The following KDM4C variants were observed in gnomAD, a reference collection of about 807,000 sequenced individuals.
KDM4C encodes the protein lysine demethylase 4C.
Under a neutral mutation model 129.3 loss-of-function variants are expected in KDM4C, and 81 were observed. The ratio of observed to expected loss-of-function variants is 0.63; its 90% CI spans 0.52 to 0.75. The LOEUF (loss-of-function observed/expected upper bound fraction) is 0.75. Ranked by LOEUF, KDM4C falls within the 30% of genes least tolerant of loss-of-function variation. The pLI is 0.00. For synonymous variants in KDM4C, 573 were observed against 456.1 expected (o/e 1.26, Z -3.26); for missense variants, 1,457 against 1,304.0 (o/e 1.12, Z -1.81).
At chr9:7,038,828 T>G (rs1007555513) in intron 15 of KDM4C, among the ~76,000 whole-genome samples, 1 of 152,178 alleles carries the variant, frequency 6.6e-6, no homozygotes. Context: ...TAGATCTCAT[T>G]CTTTTCCTTT....
chr9:6,893,316 T>C, intron 8 of KDM4C, 84 bp downstream of exon 8: 1 of 1,092,682 alleles, frequency 9.2e-7, no homozygotes, highest in Non-Finnish European at 1.3e-6. Flanking sequence ...TGTGCAGCAT[T>C]TATTTATTCT....
chr9:6,774,710 A>G (rs1822634645), intron 1 of KDM4C, among the ~76,000 whole-genome samples: 1 of 152,208 alleles, frequency 6.6e-6, no homozygotes, highest in African/African-American at 2.4e-5. Flanking sequence ...ATTTATAGAA[A>G]TATATTACCT....
chr9:7,096,967 T>G (rs1836512967), intron 17 of KDM4C, among the ~76,000 whole-genome samples: 1 of 152,170 alleles, frequency 6.6e-6, no homozygotes, highest in Non-Finnish European at 1.5e-5. Context: ...GATCCCACCT[T>G]TTCAGCCTGC....
intron 12 of KDM4C, among the ~76,000 whole-genome samples, chr9:6,992,692 A>C (rs867191972): frequency 6.6e-6 from 1 of 152,232 alleles, no homozygotes; most frequent in South Asian, 2.1e-4. Flanking sequence ...TGTGATGTGC[A>C]GTGAGTGTTT....
At chr9:6,826,723 C>T (rs1274326008) in intron 4 of KDM4C, among the ~76,000 whole-genome samples, 2 of 151,954 alleles carry the variant, frequency 1.3e-5, no homozygotes, top group Non-Finnish European at 2.9e-5. Context: ...AAAAATTAGC[C>T]AGGCATGGTG....
At chr9:6,839,497 C>T (rs1038535589) in intron 4 of KDM4C, among the ~76,000 whole-genome samples, 1 of 151,382 alleles carries the variant, frequency 6.6e-6, no homozygotes, top group Non-Finnish European at 1.5e-5. Flanking sequence ...GCCTCGGCCT[C>T]CCAAAATGCT....
intron 5 of KDM4C, among the ~76,000 whole-genome samples, chr9:6,858,436 G>T (rs982994605): frequency 1.3e-5 from 2 of 152,036 alleles, no homozygotes; most frequent in South Asian, 2.1e-4. Context: ...GGAAAAACCA[G>T]AATGTTTACC....
intron 2 of KDM4C, among the ~76,000 whole-genome samples, chr9:6,803,570 CAA>C (rs112938373): frequency 0.019 from 1,930 of 100,440 alleles, 42 homozygotes; most frequent in African/African-American, 0.063. Flanking sequence ...AACTCGGTCT[CAA>C]AAAAAAAAAA....
At chr9:6,767,179 C>T (rs1820793945) in intron 1 of KDM4C, among the ~76,000 whole-genome samples, 1 of 151,842 alleles carries the variant, frequency 6.6e-6, no homozygotes, top group East Asian at 1.9e-4. Flanking sequence ...CGCTGTGTCG[C>T]CCAGGCTGGA....
chr9:6,986,086 A>G (rs1003230216), intron 10 of KDM4C, among the ~76,000 whole-genome samples: 3 of 152,204 alleles, frequency 2.0e-5, no homozygotes, highest in Non-Finnish European at 1.5e-5. Context: ...TAGTTCTGTC[A>G]CTACATGGTT....
rs144417385 is a variant in KDM4C at position 6,765,430 on chromosome 9, A to T, written c.-18+7227A>T. Among the ~76,000 whole-genome samples the T allele has an allele frequency of 3.3e-5, 5 of 152,266 alleles. No individual in the cohort carries two copies. In the East Asian group the frequency reaches 9.7e-4, roughly 29 times the overall value. On this transcript the variant is annotated intron_variant, in intron 1 of 21. Transcript: ENST00000381309. ...GATTAAATCAGCTTCCCTAATGATG[A>T]GCTGTCTTAATTCCCTGTATTTTTC...
intron 17 of KDM4C, among the ~76,000 whole-genome samples, chr9:7,067,843 T>G (rs1216427210): frequency 1.3e-5 from 2 of 152,128 alleles, no homozygotes; most frequent in Non-Finnish European, 2.9e-5. Context: ...TTGCCCAGGA[T>G]GGAGTGCAGT....
chr9:6,862,070 C>A (rs528805807), intron 5 of KDM4C, among the ~76,000 whole-genome samples: 1 of 152,112 alleles, frequency 6.6e-6, no homozygotes, highest in Admixed American at 6.5e-5. Context: ...ACGCGCCTGA[C>A]CTACAATATG....
chr9:6,720,896 G>C, exon 1 of KDM4C: 1 of 1,490,530 alleles, frequency 6.7e-7, no homozygotes, highest in South Asian at 1.2e-5. Flanking sequence ...CCTGAAAGTT[G>C]TTGAATAGTT....
chr9:7,083,610 A>C (rs893508844), intron 17 of KDM4C, among the ~76,000 whole-genome samples: 4 of 152,284 alleles, frequency 2.6e-5, no homozygotes, highest in African/African-American at 9.6e-5. Context: ...ATATCTAAAC[A>C]TAGAAAAGAT....
intron 12 of KDM4C, among the ~76,000 whole-genome samples, chr9:7,003,471 T>C (rs991043742): frequency 6.6e-6 from 1 of 151,776 alleles, no homozygotes; most frequent in African/African-American, 2.4e-5. Context: ...TGAAGTTGTG[T>C]CCTTTGGAAT....
chr9:7,075,356 C>T (rs1570509), intron 17 of KDM4C, among the ~76,000 whole-genome samples: 117,113 of 152,046 alleles, frequency 0.77, 45,353 homozygotes, highest in African/African-American at 0.83. Flanking sequence ...CATGTTGAAA[C>T]TCGATCCCAG....
At chr9:6,804,814 A>G (rs1042401592) in intron 2 of KDM4C, among the ~76,000 whole-genome samples, 1 of 152,170 alleles carries the variant, frequency 6.6e-6, no homozygotes, top group Non-Finnish European at 1.5e-5. Flanking sequence ...TTCTCATAAT[A>G]ATATAAACAG....
chr9:7,113,162 C>T (rs190012962), intron 18 of KDM4C, among the ~76,000 whole-genome samples: 11 of 152,212 alleles, frequency 7.2e-5, no homozygotes, highest in African/African-American at 1.2e-4. Flanking sequence ...AATACTATAG[C>T]GATTCAAACC....
Sources: gnomAD v4.1 joint callset for allele counts (sites outside exome capture counted in the v4.1 genomes callset) on GRCh38, gnomAD v4.1.1 for gene constraint, MANE v1.5 for transcripts, NCBI Gene and HGNC (gene_info 2026-07-23, HGNC 2026-07-21) for gene names.